ZRANB3: variants seen among roughly 807,000 people sequenced by gnomAD.
ZRANB3 encodes DNA annealing helicase and endonuclease ZRANB3.
ZRANB3 carries 125 observed loss-of-function variants against 133.8 expected under a neutral mutation model. The observed-to-expected ratio is 0.93, with a 90% CI of 0.81 to 1.08. The LOEUF (loss-of-function observed/expected upper bound fraction) is 1.08, where lower values mean the gene tolerates loss of function less well. Ranked by LOEUF, ZRANB3 falls within the 50% of genes least tolerant of loss-of-function variation. The pLI, the probability that ZRANB3 is intolerant of heterozygous loss-of-function variation, is 0.00. For synonymous variants in ZRANB3, 387 were observed against 432.7 expected (o/e 0.89, Z 1.31); for missense variants, 1,229 against 1,275.5 (o/e 0.96, Z 0.56).
intron 2 of ZRANB3, among the ~76,000 whole-genome samples, chr2:135,402,774 C>T (rs1213763358): frequency 1.3e-5 from 2 of 151,930 alleles, no homozygotes; most frequent in Non-Finnish European, 2.9e-5. Context: ...TTTGTAGAGA[C>T]GAGGTTGCAC....
At chr2:135,491,745 G>C (rs1309984112) in intron 2 of ZRANB3, among the ~76,000 whole-genome samples, 2 of 152,038 alleles carry the variant, frequency 1.3e-5, no homozygotes, top group Non-Finnish European at 2.9e-5. Context: ...TTGATCTCCT[G>C]ACCTTGTGAT....
chr2:135,358,546 T>C (rs1262183125), intron 3 of ZRANB3, among the ~76,000 whole-genome samples: 2 of 152,202 alleles, frequency 1.3e-5, no homozygotes, highest in Admixed American at 1.3e-4. Context: ...CCAGCTATCA[T>C]ATCATACTTT....
intron 2 of ZRANB3, among the ~76,000 whole-genome samples, chr2:135,442,923 T>C (rs965040202): frequency 1.3e-5 from 2 of 152,022 alleles, no homozygotes; most frequent in African/African-American, 4.8e-5. Context: ...GAGACCATCC[T>C]AGCTAACATG....
chr2:135,530,208 C>CA (rs371430339), intron 1 of ZRANB3, among the ~76,000 whole-genome samples: 3,922 of 102,448 alleles, frequency 0.038, 182 homozygotes, highest in African/African-American at 0.12. Flanking sequence ...GACTCCGTCT[C>CA]AAAAAAAAAA....
chr2:135,338,747 T>C (rs1024059859), intron 6 of ZRANB3, among the ~76,000 whole-genome samples: 2 of 152,220 alleles, frequency 1.3e-5, no homozygotes, highest in African/African-American at 4.8e-5. Flanking sequence ...TATCCAATCA[T>C]GTATTATTTA....
Position 135,306,830 on chromosome 2 carries a change from T to G in ZRANB3, c.966+6659A>C, listed in dbSNP as rs1039495207. Among the ~76,000 whole-genome samples the G allele has an allele frequency of 1.1e-4, 16 of 152,194 alleles. No homozygotes were observed. In the East Asian group the frequency reaches 2.5e-3, roughly 24 times the overall value. ...GTCTCGAACTCCTGACCTCAAGTGA[T>G]CCTCCTGCCTCAGCCTCCAAAAGTG... On this transcript the variant is annotated intron_variant, in intron 8 of 20. Transcript: ENST00000264159.
At chr2:135,450,500 G>A (rs1039826899) in intron 2 of ZRANB3, among the ~76,000 whole-genome samples, 6 of 151,942 alleles carry the variant, frequency 3.9e-5, no homozygotes, top group African/African-American at 1.2e-4. Flanking sequence ...TAGAAGACCC[G>A]GCATTTAAAC....
intron 2 of ZRANB3, among the ~76,000 whole-genome samples, chr2:135,424,751 C>T (rs535423685): frequency 2.8e-3 from 421 of 152,176 alleles, no homozygotes; most frequent in Non-Finnish European, 3.8e-3. Context: ...TGAATAAATA[C>T]ATAAAATCCC....
At chr2:135,328,340 T>C (rs1296974172) in intron 6 of ZRANB3, among the ~76,000 whole-genome samples, 1 of 151,572 alleles carries the variant, frequency 6.6e-6, no homozygotes, top group African/African-American at 2.4e-5. Flanking sequence ...CTTGTGATAG[T>C]TTGAGAATGA....
intron 11 of ZRANB3, among the ~76,000 whole-genome samples, chr2:135,267,403 T>C (rs559125216): frequency 3.3e-5 from 5 of 152,240 alleles, no homozygotes; most frequent in African/African-American, 1.2e-4. Flanking sequence ...AATCCATGAA[T>C]GGATTAATCC....
At chr2:135,528,556 A>C (rs1259102723) in intron 1 of ZRANB3, among the ~76,000 whole-genome samples, 3 of 152,090 alleles carry the variant, frequency 2.0e-5, no homozygotes, top group Non-Finnish European at 4.4e-5. Context: ...ACATAACATC[A>C]TTTCTGGCTC....
intron 2 of ZRANB3, among the ~76,000 whole-genome samples, chr2:135,479,663 CA>C (rs566709138): frequency 2.1e-5 from 3 of 145,332 alleles, no homozygotes; most frequent in African/African-American, 5.1e-5. Context: ...GAGACTATCT[CA>C]AAAAAAAACA....
intron 2 of ZRANB3, among the ~76,000 whole-genome samples, chr2:135,445,341 G>C (rs1207237722): frequency 6.6e-6 from 1 of 152,138 alleles, no homozygotes; most frequent in Non-Finnish European, 1.5e-5. Context: ...CTAATGGGGA[G>C]GCTGAGGCAG....
chr2:135,255,407 T>C (rs965958980), intron 12 of ZRANB3, among the ~76,000 whole-genome samples: 13 of 152,200 alleles, frequency 8.5e-5, no homozygotes, highest in Admixed American at 7.9e-4. Context: ...ACTATTAATC[T>C]GCTTTTCCTT....
At chr2:135,528,430 G>A (rs965588064) in intron 1 of ZRANB3, among the ~76,000 whole-genome samples, 6 of 152,158 alleles carry the variant, frequency 3.9e-5, no homozygotes, top group African/African-American at 1.4e-4. Flanking sequence ...TTACAGGTAT[G>A]AGCCACCAGG....
chr2:135,454,760 G>A (rs1690420975), intron 2 of ZRANB3, among the ~76,000 whole-genome samples: 1 of 152,146 alleles, frequency 6.6e-6, no homozygotes, highest in South Asian at 2.1e-4. Context: ...TGCTGCAAAA[G>A]ACATTTTTCA....
chr2:135,276,166 A>AT (rs992700450), intron 8 of ZRANB3, among the ~76,000 whole-genome samples: 12 of 151,044 alleles, frequency 7.9e-5, no homozygotes, highest in Non-Finnish European at 1.3e-4. Context: ...GATGAAGAGC[A>AT]TTTTTTTTTA....
chr2:135,249,433 A>G (rs1001599713), intron 12 of ZRANB3, among the ~76,000 whole-genome samples: 1 of 152,240 alleles, frequency 6.6e-6, no homozygotes, highest in Non-Finnish European at 1.5e-5. Flanking sequence ...GAATGATATA[A>G]CGTCTTTTGT....
chr2:135,512,205 T>G (rs538071253), intron 1 of ZRANB3, among the ~76,000 whole-genome samples: 28 of 152,246 alleles, frequency 1.8e-4, no homozygotes, highest in Admixed American at 1.7e-3. Context: ...ACGCAACACT[T>G]GAAAAAAAGA....
Sources: gnomAD v4.1 joint callset for allele counts (sites outside exome capture counted in the v4.1 genomes callset) on GRCh38, gnomAD v4.1.1 for gene constraint, MANE v1.5 for transcripts, NCBI Gene and HGNC (gene_info 2026-07-23, HGNC 2026-07-21) for gene names.